The following PLA2G6 variants were observed in gnomAD, a reference collection of about 807,000 sequenced individuals.
The protein encoded by PLA2G6 is 85/88 kDa calcium-independent phospholipase A2.
Under a neutral mutation model 83.8 loss-of-function variants are expected in PLA2G6, and 62 were observed. The ratio of observed to expected loss-of-function variants is 0.74; its 90% CI spans 0.60 to 0.91. The LOEUF is 0.91. Among genes scored for constraint, PLA2G6 ranks in the 40% least tolerant of loss-of-function variants. The pLI is 0.00. For missense variants in PLA2G6, 944 were observed against 1,102.0 expected (o/e 0.86, Z 2.03); for synonymous variants, 417 against 449.8 (o/e 0.93, Z 0.92).
intron 2 of PLA2G6, among the ~76,000 whole-genome samples, chr22:38,166,238 T>C (rs1569297149): frequency 6.6e-6 from 1 of 152,024 alleles, no homozygotes; most frequent in African/African-American, 2.4e-5. Context: ...GAGGGGGAGA[T>C]TGACCTTCTG....
At chr22:38,114,179 GC>G (rs1171980191) in intron 14 of PLA2G6, among the ~76,000 whole-genome samples, 1 of 148,724 alleles carries the variant, frequency 6.7e-6, no homozygotes, top group Admixed American at 6.7e-5. Flanking sequence ...CCTGGGTGCT[GC>G]CTTTTTTTTT....
chr22:38,112,446 CG>C lies in PLA2G6; in HGVS notation c.2276+57del, dbSNP rs1179202432. The C allele has an allele frequency of 4.0e-6, 6 of 1,510,150 alleles. No homozygotes were observed. In the African/African-American group the frequency reaches 8.3e-5, roughly 21 times the overall value. The allele number at this position is 1,510,150 out of a possible 1,614,324, so 93.5% of individuals were successfully genotyped here. On this transcript the variant is annotated intron_variant, in intron 16 of 16. Transcript: ENST00000332509. ...CACACTAGGGCTGGGAGGGGAAGGT[CG>C]GTGAGTCCGACCACGCCAGGGCACG...
intron 2 of PLA2G6, among the ~76,000 whole-genome samples, chr22:38,156,912 A>T (rs990372609): frequency 1.3e-5 from 2 of 152,234 alleles, no homozygotes; most frequent in Admixed American, 6.5e-5. Context: ...AAGGAAATTT[A>T]AAAACATCCT....
intron 4 of PLA2G6, chr22:38,141,766 G>C (rs1465364624): frequency 1.3e-5 from 2 of 151,916 alleles, no homozygotes; most frequent in African/African-American, 4.8e-5. Context: ...TCGAGAAGCG[G>C]GTGTGCACAC....
intron 4 of PLA2G6, chr22:38,142,627 G>A: frequency 4.1e-6 from 1 of 242,504 alleles, no homozygotes; most frequent in Non-Finnish European, 8.2e-6. Context: ...AAAGGTCCAT[G>A]CATGGATCTC....
chr22:38,179,809 T>C (rs567715142), intron 1 of PLA2G6, among the ~76,000 whole-genome samples: 18 of 152,022 alleles, frequency 1.2e-4, no homozygotes, highest in Non-Finnish European at 1.0e-4. Context: ...TACTTCAAGT[T>C]TGAAAAGCCT....
chr22:38,119,916 CAAAACAA>C (rs141128792), intron 12 of PLA2G6, among the ~76,000 whole-genome samples: 4,373 of 151,778 alleles, frequency 0.029, 87 homozygotes, highest in African/African-American at 0.061. Context: ...AAACCAAAAC[CAAAACAA>C]AAAACAAAAA....
intron 10 of PLA2G6, among the ~76,000 whole-genome samples, chr22:38,125,862 C>T (rs1218587835): frequency 6.6e-6 from 1 of 152,210 alleles, no homozygotes; most frequent in African/African-American, 2.4e-5. Context: ...AGTTCAAGCA[C>T]CCGGGATTAT....
chr22:38,143,556 C>T (rs1404259600), intron 3 of PLA2G6: 11 of 568,252 alleles, frequency 1.9e-5, no homozygotes, highest in African/African-American at 7.4e-5. Context: ...AGGGTGGTGG[C>T]ACAGGAAAGG....
intron 2 of PLA2G6, among the ~76,000 whole-genome samples, chr22:38,153,350 TC>T (rs1410140150): frequency 1.3e-5 from 2 of 152,212 alleles, no homozygotes; most frequent in East Asian, 3.8e-4. Flanking sequence ...CCCCGCCCTG[TC>T]TGGGAAGTGA....
intron 12 of PLA2G6, chr22:38,116,475 G>C: frequency 1.6e-6 from 1 of 636,332 alleles, no homozygotes; most frequent in Non-Finnish European, 3.0e-6. Context: ...AAAACCTGTT[G>C]CAAGACTGAT....
intron 13 of PLA2G6, 127 bp from the exon 14 acceptor site, chr22:38,115,808 A>G (rs2087155737): frequency 3.4e-6 from 5 of 1,483,942 alleles, no homozygotes; most frequent in Non-Finnish European, 4.5e-6. Flanking sequence ...GGAACTCTTC[A>G]GAAGCAGGAC....
intron 15 of PLA2G6, 98 bp from the exon 16 acceptor site, chr22:38,112,675 AG>A: frequency 9.7e-7 from 1 of 1,028,916 alleles, no homozygotes; most frequent in Admixed American, 2.0e-5. Flanking sequence ...CAGCCTGGGG[AG>A]CCCCAGGCTC....
chr22:38,142,933 G>A (rs909312399), intron 4 of PLA2G6, 172 bp downstream of exon 4: 5 of 746,110 alleles, frequency 6.7e-6, no homozygotes, highest in Non-Finnish European at 1.2e-5. Flanking sequence ...GAAAAGGGCT[G>A]GGAGGGAAGA....
At position 38,169,210 on chromosome 22, in the gene PLA2G6, T is replaced by TCACC; in HGVS notation, c.209+4_209+7dup. ...GAGAGAAGTATGTTCCCGCTGAGCA[T>TCACC]CACCCACCGGAATCCACTCTGTGAG... On this transcript the variant is annotated splice_region_variant and intron_variant, in intron 2 of 16. Coordinates refer to ENST00000332509, the MANE Select transcript of PLA2G6 (RefSeq NM_003560.4). 2.5e-6 allele frequency: 4 copies of TCACC among 1,604,164 alleles called. No homozygotes were observed. Among genetic ancestry groups the TCACC allele is most frequent in the Admixed American group, 1.7e-5 (1 of 59,954 alleles).
intron 12 of PLA2G6, among the ~76,000 whole-genome samples, chr22:38,119,533 G>A (rs1161641583): frequency 1.3e-5 from 2 of 152,146 alleles, no homozygotes; most frequent in Admixed American, 6.6e-5. Flanking sequence ...GTTTATGAAC[G>A]AGAAATAAAA....
rs935423604 is a variant in PLA2G6 at position 38,123,807 on chromosome 22, G to A, written c.1428-549C>T. ...ATTAGCTCATGTCATTGTCCCAAAC[G>A]CCTCTGAGGCAGACCCTCCCTGACA... On this transcript the variant is annotated intron_variant, in intron 10 of 16. Transcript: ENST00000332509. This position sits in a 1 kb window ranked among gnomAD's most constrained non-coding sequence, Gnocchi z 4.1. Among the ~76,000 whole-genome samples the A allele has an allele frequency of 2.6e-5, 4 of 152,112 alleles. No individual in the cohort carries two copies. Among genetic ancestry groups the A allele is most frequent in the South Asian group, 2.1e-4 (1 of 4,828 alleles).
At chr22:38,177,429 G>A (rs914512500) in intron 1 of PLA2G6, among the ~76,000 whole-genome samples, 36 of 149,786 alleles carry the variant, frequency 2.4e-4, no homozygotes, top group African/African-American at 8.8e-4. Flanking sequence ...GGCGCCAGAC[G>A]CTTCACCACA....
chr22:38,127,436 T>C, intron 9 of PLA2G6: 1 of 1,331,630 alleles, frequency 7.5e-7, no homozygotes, highest in South Asian at 1.2e-5. Context: ...AGGCCCACCA[T>C]CCGGCCTGGC....
Sources: allele counts gnomAD v4.1 joint callset (sites outside exome capture counted in the v4.1 genomes callset), GRCh38; gene constraint gnomAD v4.1.1; non-coding constraint Gnocchi (gnomAD v3.1); transcripts MANE v1.5; gene names NCBI Gene and HGNC (gene_info 2026-07-23, HGNC 2026-07-21).